ABCC4: variants seen among roughly 807,000 people sequenced by gnomAD.
ABCC4 encodes the protein ATP binding cassette subfamily C member 4 (PEL blood group).
Under a neutral mutation model 168.5 loss-of-function variants are expected in ABCC4, and 102 were observed. The ratio of observed to expected loss-of-function variants is 0.61; its 90% CI spans 0.52 to 0.71. ABCC4 has a LOEUF of 0.71. Among genes scored for constraint, ABCC4 ranks in the 30% least tolerant of loss-of-function variants. The pLI is 0.00. For synonymous variants in ABCC4, 617 were observed against 590.7 expected, an observed-to-expected ratio of 1.04 and a Z score of -0.65; for missense variants, 1,402 against 1,605.8, an observed-to-expected ratio of 0.87 and a Z score of 2.17.
chr13:95,035,023 T>C (rs2032058639), intron 29 of ABCC4, among the ~76,000 whole-genome samples: 1 of 152,150 alleles, frequency 6.6e-6, no homozygotes, highest in Non-Finnish European at 1.5e-5. Context: ...GCCAAAGGCA[T>C]TTTGGGTTCT....
chr13:95,235,111 G>A (rs569361525), intron 3 of ABCC4, among the ~76,000 whole-genome samples: 12 of 151,538 alleles, frequency 7.9e-5, no homozygotes, highest in East Asian at 1.9e-4. Flanking sequence ...GGCTGGTCCC[G>A]AACTCCTAGC....
Position 95,108,651 on chromosome 13 carries a change from T to TTA in ABCC4, c.2535+7270_2535+7271insTA, listed in dbSNP as rs779436484. Among the ~76,000 whole-genome samples the TTA allele has an allele frequency of 8.5e-3, 1,299 of 151,998 alleles. 6 individuals are homozygous for TTA. Among genetic ancestry groups the TTA allele is most frequent in the Non-Finnish European group, 0.014 (933 of 67,944 alleles). On this transcript the variant is annotated intron_variant, in intron 20 of 30. Coordinates refer to ENST00000645237, the MANE Select transcript of ABCC4 (RefSeq NM_005845.5). ...CGTTAAATCTATTTTCTTTTTTTTT[T>TTA]TTTTATTTTATTTTGAGACAGAGTG...
At chr13:95,026,015 C>T (rs1039839429) in intron 30 of ABCC4, among the ~76,000 whole-genome samples, 1 of 151,876 alleles carries the variant, frequency 6.6e-6, no homozygotes, top group Non-Finnish European at 1.5e-5. Flanking sequence ...GCCAGGAGTT[C>T]GAGGCCAGCC....
At chr13:95,110,009 A>G (rs2035147319) in intron 20 of ABCC4, among the ~76,000 whole-genome samples, 1 of 152,194 alleles carries the variant, frequency 6.6e-6, no homozygotes, top group Admixed American at 6.5e-5. Context: ...AAGACATGTA[A>G]TAAGAATGAC....
intron 26 of ABCC4, among the ~76,000 whole-genome samples, chr13:95,057,253 T>G (rs923418144): frequency 1.3e-5 from 2 of 152,214 alleles, no homozygotes; most frequent in Non-Finnish European, 2.9e-5. Context: ...AGTATTTTTT[T>G]TTTTTGAGAC....
chr13:95,144,214 G>T (rs146980779), intron 19 of ABCC4, among the ~76,000 whole-genome samples: 2 of 126,040 alleles, frequency 1.6e-5, no homozygotes, highest in Non-Finnish European at 3.3e-5. Context: ...TATATTAAAC[G>T]TAACTTAACC....
At chr13:95,213,600 C>A (rs1361880494) in intron 4 of ABCC4, among the ~76,000 whole-genome samples, 1 of 134,474 alleles carries the variant, frequency 7.4e-6, no homozygotes, top group African/African-American at 2.9e-5. Context: ...TAGGAGATGC[C>A]GCCCGAGGAG....
chr13:95,155,746 A>C (rs942853921), intron 19 of ABCC4, among the ~76,000 whole-genome samples: 2 of 152,184 alleles, frequency 1.3e-5, no homozygotes, highest in African/African-American at 4.8e-5. Flanking sequence ...AAACACTTCT[A>C]CCAACACCAG....
chr13:95,174,685 TA>T (rs1315575954), intron 13 of ABCC4, among the ~76,000 whole-genome samples: 17 of 152,208 alleles, frequency 1.1e-4, no homozygotes, highest in African/African-American at 3.9e-4. Context: ...GCGGCGACTC[TA>T]AACAGCGTCC....
intron 20 of ABCC4, among the ~76,000 whole-genome samples, chr13:95,104,534 A>G (rs541412958): frequency 2.6e-5 from 4 of 152,188 alleles, no homozygotes; most frequent in Non-Finnish European, 5.9e-5. Flanking sequence ...TCCAATTCTC[A>G]TCTCCACCCC....
intron 29 of ABCC4, among the ~76,000 whole-genome samples, chr13:95,037,843 T>C (rs1427220995): frequency 1.3e-5 from 2 of 152,138 alleles, no homozygotes; most frequent in East Asian, 3.9e-4. Flanking sequence ...GCCTGGCATA[T>C]ACTCACAGAA....
chr13:95,145,032 C>A (rs1385466627), intron 19 of ABCC4, among the ~76,000 whole-genome samples: 1 of 151,884 alleles, frequency 6.6e-6, no homozygotes, highest in East Asian at 1.9e-4. Flanking sequence ...AGTCACCAAG[C>A]ATATGAAAAA....
intron 8 of ABCC4, among the ~76,000 whole-genome samples, chr13:95,199,067 T>C (rs2038544127): frequency 2.6e-5 from 4 of 152,262 alleles, no homozygotes; most frequent in African/African-American, 4.8e-5. Flanking sequence ...ATGGCACATG[T>C]ATACCTATGT....
chr13:95,081,216 CAA>C (rs2034082755), intron 21 of ABCC4, among the ~76,000 whole-genome samples: 1 of 152,176 alleles, frequency 6.6e-6, no homozygotes, highest in Non-Finnish European at 1.5e-5. Context: ...TGCTGAAATT[CAA>C]GAGAGAAAAT....
intron 13 of ABCC4, 72 bp downstream of exon 13, chr13:95,177,635 T>TA: frequency 7.7e-7 from 1 of 1,304,828 alleles, no homozygotes; most frequent in South Asian, 1.3e-5. Flanking sequence ...CTGAAAGCCA[T>TA]AAAGGCTTTC....
intron 3 of ABCC4, among the ~76,000 whole-genome samples, chr13:95,237,555 A>C (rs939599823): frequency 6.6e-6 from 1 of 152,148 alleles, no homozygotes; most frequent in Non-Finnish European, 1.5e-5. Flanking sequence ...GTCCAGTAGG[A>C]TACTTGAATG....
chr13:95,125,449 T>C (rs577045538), intron 19 of ABCC4, among the ~76,000 whole-genome samples: 2 of 152,204 alleles, frequency 1.3e-5, no homozygotes, highest in Middle Eastern at 3.4e-3. Flanking sequence ...CTAATCATAA[T>C]TAAAGTAAAA....
intron 19 of ABCC4, among the ~76,000 whole-genome samples, chr13:95,153,828 A>C (rs978747268): frequency 9.2e-5 from 14 of 152,204 alleles, no homozygotes; most frequent in Non-Finnish European, 1.6e-4. Context: ...GATTACTGAC[A>C]AAATAACAAT....
intron 30 of ABCC4, 91 bp from the exon 31 acceptor site, chr13:95,021,773 T>C (rs1215449519): frequency 7.0e-6 from 6 of 856,842 alleles, no homozygotes; most frequent in East Asian, 2.6e-5. Flanking sequence ...TACTTCTTCA[T>C]GTGAAGCAAA....
Sources: allele counts gnomAD v4.1 joint callset (sites outside exome capture counted in the v4.1 genomes callset), GRCh38; gene constraint gnomAD v4.1.1; transcripts MANE v1.5; gene names NCBI Gene and HGNC (gene_info 2026-07-23, HGNC 2026-07-21).